The following PITPNB variants were observed in gnomAD, a reference collection of about 807,000 sequenced individuals.
The protein encoded by PITPNB is phosphatidylinositol transfer protein beta, also known as phosphatidylinositol transfer protein beta isoform.
In PITPNB, 16 loss-of-function variants were observed where a neutral mutation model predicts 45.9. The observed-to-expected ratio is 0.35, with a 90% confidence interval of 0.24 to 0.53. PITPNB has a LOEUF of 0.53. Among genes scored for constraint, PITPNB ranks in the 20% least tolerant of loss-of-function variants. The pLI is 0.93. For synonymous variants in PITPNB, 112 were observed against 108.9 expected (o/e 1.03, Z -0.18); for missense variants, 188 against 330.5 (o/e 0.57, Z 3.34).
chr22:27,889,541 A>T (rs189423787), intron 7 of PITPNB, among the ~76,000 whole-genome samples: 84 of 152,030 alleles, frequency 5.5e-4, no homozygotes, highest in Non-Finnish European at 1.0e-3. Flanking sequence ...ACTCATCAAA[A>T]CTCTACACAT....
intron 7 of PITPNB, among the ~76,000 whole-genome samples, chr22:27,891,178 G>A (rs1266090240): frequency 1.3e-5 from 2 of 152,160 alleles, no homozygotes; most frequent in Non-Finnish European, 2.9e-5. Context: ...CCCTGTTAAT[G>A]TACCAAATGC....
intron 2 of PITPNB, among the ~76,000 whole-genome samples, chr22:27,913,540 T>C (rs2146431245): frequency 6.6e-6 from 1 of 152,350 alleles, no homozygotes; most frequent in African/African-American, 2.4e-5. Flanking sequence ...TGGCTATAAC[T>C]GCAGGACATG....
At chr22:27,893,134 C>G (rs1308288226) in intron 7 of PITPNB, among the ~76,000 whole-genome samples, 1 of 152,174 alleles carries the variant, frequency 6.6e-6, no homozygotes, top group African/African-American at 2.4e-5. Flanking sequence ...CACTCTTATT[C>G]CAAAGCTTTA....
chr22:27,918,625 G>A lies in PITPNB; in HGVS notation c.20+547C>T, dbSNP rs74378780. ...CCGTCAAGTCAGCGGAGCTGCCCAG[G>A]AGAGCGGAGGCTTTCCGGAATCCCG... On this transcript the variant is annotated intron_variant, in intron 1 of 11. Coordinates refer to ENST00000335272, the MANE Select transcript of PITPNB (RefSeq NM_012399.5). Among the ~76,000 whole-genome samples, 1,463 of 152,330 alleles carry A rather than the reference G, an allele frequency of 9.6e-3. 29 individuals carry two copies. Among genetic ancestry groups the A allele is most frequent in the African/African-American group, 0.034 (1,403 of 41,568 alleles).
intron 1 of PITPNB, among the ~76,000 whole-genome samples, chr22:27,915,816 G>C (rs1398706988): frequency 6.6e-6 from 1 of 152,188 alleles, no homozygotes; most frequent in African/African-American, 2.4e-5. Flanking sequence ...TATAGGTTGG[G>C]AGCAGATTAT....
chr22:27,906,504 A>T (rs1403505925), intron 3 of PITPNB, among the ~76,000 whole-genome samples: 1 of 152,182 alleles, frequency 6.6e-6, no homozygotes, highest in Non-Finnish European at 1.5e-5. Context: ...TTAGTTGAGC[A>T]AAGTGGTTAA....
chr22:27,917,633 G>A (rs1448615401), intron 1 of PITPNB, among the ~76,000 whole-genome samples: 2 of 152,146 alleles, frequency 1.3e-5, no homozygotes, highest in Non-Finnish European at 2.9e-5. Flanking sequence ...CCCTGTCACT[G>A]ACCAAAGTTA....
At chr22:27,902,797 C>T (rs918113031) in intron 3 of PITPNB, among the ~76,000 whole-genome samples, 13 of 152,118 alleles carry the variant, frequency 8.5e-5, no homozygotes, top group African/African-American at 3.1e-4. Flanking sequence ...TAGATCACTG[C>T]CACCTCTAAC....
At chr22:27,877,074 G>A (rs1490356517) in intron 7 of PITPNB, among the ~76,000 whole-genome samples, 1 of 152,200 alleles carries the variant, frequency 6.6e-6, no homozygotes, top group Non-Finnish European at 1.5e-5. Flanking sequence ...GGAAAAAAGA[G>A]AGCAAATTCA....
intron 8 of PITPNB, among the ~76,000 whole-genome samples, chr22:27,862,054 C>CT (rs1934351186): frequency 6.6e-6 from 1 of 152,156 alleles, no homozygotes; most frequent in African/African-American, 2.4e-5. Flanking sequence ...ACCACTGTCC[C>CT]TGTCTTCACA....
At chr22:27,905,521 A>G (rs139129798) in intron 3 of PITPNB, among the ~76,000 whole-genome samples, 115 of 152,330 alleles carry the variant, frequency 7.5e-4, no homozygotes, top group Admixed American at 1.3e-3. Context: ...TTCATTTTCA[A>G]GTGATTTAAA....
intron 1 of PITPNB, 134 bp downstream of exon 1, chr22:27,919,038 G>A (rs1191424779): frequency 4.7e-5 from 64 of 1,351,542 alleles, no homozygotes; most frequent in Non-Finnish European, 6.5e-5. Flanking sequence ...GGGGCCGGGG[G>A]AGGGAGGGGG....
intron 7 of PITPNB, among the ~76,000 whole-genome samples, chr22:27,881,660 C>T (rs1009008164): frequency 2.0e-5 from 3 of 152,152 alleles, no homozygotes. Context: ...CTGCACAGCT[C>T]CAAGAAGCAG....
chr22:27,862,602 C>G (rs1214576747), intron 8 of PITPNB, among the ~76,000 whole-genome samples: 1 of 152,092 alleles, frequency 6.6e-6, no homozygotes, highest in African/African-American at 2.4e-5. Context: ...TTTTCCATGA[C>G]GTTTCCCCCT....
chr22:27,891,697 C>T (rs1010892815), intron 7 of PITPNB, among the ~76,000 whole-genome samples: 1 of 152,144 alleles, frequency 6.6e-6, no homozygotes, highest in Non-Finnish European at 1.5e-5. Context: ...CTCTCTCCTG[C>T]CGCCATGTAA....
intron 3 of PITPNB, among the ~76,000 whole-genome samples, chr22:27,904,980 A>G (rs1413054743): frequency 2.0e-5 from 3 of 152,248 alleles, no homozygotes; most frequent in East Asian, 1.9e-4. Context: ...AATATATTTC[A>G]GAAAATACTT....
At chr22:27,884,325 A>G (rs1292820210) in intron 7 of PITPNB, among the ~76,000 whole-genome samples, 2 of 152,260 alleles carry the variant, frequency 1.3e-5, no homozygotes, top group Non-Finnish European at 2.9e-5. Context: ...GAAGAGGCAC[A>G]TGAGAGTAAC....
intron 8 of PITPNB, among the ~76,000 whole-genome samples, chr22:27,870,406 A>C (rs1934620946): frequency 6.6e-6 from 1 of 152,234 alleles, no homozygotes; most frequent in Non-Finnish European, 1.5e-5. Context: ...AAGAAATCAT[A>C]GGATTTGCAT....
chr22:27,860,128 T>C lies in PITPNB; in HGVS notation c.645+3A>G. 3.2e-6 allele frequency: 5 copies of C among 1,570,872 alleles called. No individual in the cohort carries two copies. The highest frequency in any genetic ancestry group is 4.4e-6 in the Non-Finnish European group (5 of 1,140,654). On this transcript the variant is annotated splice_donor_region_variant and intron_variant, in intron 9 of 11. Transcript: ENST00000335272. The stretch of plus-strand genomic sequence containing the variant: ...AAGTCACCACATTTTGAGCAGATTT[T>C]ACCTTTTGAATGAAGTTTTCTACTT...
Sources: allele counts gnomAD v4.1 joint callset (sites outside exome capture counted in the v4.1 genomes callset), GRCh38; gene constraint gnomAD v4.1.1; transcripts MANE v1.5; gene names NCBI Gene and HGNC (gene_info 2026-07-23, HGNC 2026-07-21).